PACRG: variants seen among roughly 807,000 people sequenced by gnomAD.
PACRG encodes the protein parkin coregulated gene protein.
A neutral mutation model predicts 29.7 loss-of-function variants in PACRG; 29 were observed. The ratio of observed to expected loss-of-function variants is 0.98; its 90% confidence interval spans 0.73 to 1.33. The LOEUF is 1.33. Ranked by LOEUF, PACRG falls within the 40% of genes most tolerant of loss-of-function variation. The probability of loss-of-function intolerance (pLI) is 0.00; values close to 1 mark genes in which losing one functional copy is unlikely to be tolerated. For synonymous variants in PACRG, 116 were observed against 118.7 expected (o/e 0.98, Z 0.15); for missense variants, 279 against 316.2 (o/e 0.88, Z 0.89).
At chr6:163,192,277 G>A (rs2128361824) in intron 4 of PACRG, among the ~76,000 whole-genome samples, 1 of 152,274 alleles carries the variant, frequency 6.6e-6, no homozygotes, top group East Asian at 1.9e-4. Context: ...AAGAATGCAA[G>A]GATTATTTCA....
chr6:162,809,128 C>G (rs1786613741), intron 1 of PACRG, among the ~76,000 whole-genome samples: 2 of 151,296 alleles, frequency 1.3e-5, no homozygotes, highest in Non-Finnish European at 2.9e-5. Flanking sequence ...TCATATGTAC[C>G]TGGAACAGAA....
rs1180134350 is a variant in PACRG at position 162,853,057 on chromosome 6, G to T, written c.291+38776G>T. Among the ~76,000 whole-genome samples, 4 of 152,220 alleles carry T rather than the reference G, an allele frequency of 2.6e-5. No individual in the cohort carries two copies. The highest frequency in any genetic ancestry group is 9.6e-5 in the African/African-American group (4 of 41,458). On this transcript the variant is annotated intron_variant, in intron 2 of 4. Coordinates refer to ENST00000366888, the MANE Select transcript of PACRG (RefSeq NM_001080379.2). This position sits in a 1 kb window ranked among gnomAD's most constrained non-coding sequence, Gnocchi z 4.7. ...GCAGCCAGAGACAGTGAACTGTCAG[G>T]TTTGGGATGGATGAGAGATTTCCTT... is the stretch of plus-strand genomic sequence containing the variant.
At chr6:162,863,915 C>A (rs1019177734) in intron 2 of PACRG, among the ~76,000 whole-genome samples, 2 of 152,088 alleles carry the variant, frequency 1.3e-5, no homozygotes, top group Non-Finnish European at 2.9e-5. Flanking sequence ...TCTACATGAT[C>A]CTTATTTTGA....
At chr6:163,158,386 A>G (rs984722007) in intron 4 of PACRG, among the ~76,000 whole-genome samples, 1 of 152,228 alleles carries the variant, frequency 6.6e-6, no homozygotes, top group African/African-American at 2.4e-5. Context: ...TCTTTCACCC[A>G]TCATTACTTG....
intron 2 of PACRG, among the ~76,000 whole-genome samples, chr6:162,884,545 A>G (rs1277994320): frequency 6.6e-6 from 1 of 152,188 alleles, no homozygotes; most frequent in African/African-American, 2.4e-5. Flanking sequence ...TATCTCAACT[A>G]TTTTTGTAAA....
intron 4 of PACRG, among the ~76,000 whole-genome samples, chr6:163,117,635 C>T (rs768997353): frequency 6.6e-6 from 1 of 151,782 alleles, no homozygotes. Flanking sequence ...CCTGTAATCC[C>T]AGCTACTCAG....
At chr6:163,300,266 T>C in intron 4 of PACRG, among the ~76,000 whole-genome samples, 1 of 152,212 alleles carries the variant, frequency 6.6e-6, no homozygotes, top group East Asian at 1.9e-4. Context: ...ACTCTGCAGA[T>C]GACGTTGAAT....
intron 1 of PACRG, among the ~76,000 whole-genome samples, chr6:162,783,352 AATG>A (rs1220548822): frequency 2.0e-5 from 3 of 151,990 alleles, no homozygotes; most frequent in African/African-American, 7.2e-5. Flanking sequence ...TGAAAAAATG[AATG>A]ATATTTTTAG....
chr6:163,054,487 A>T (rs1468019567), intron 2 of PACRG, among the ~76,000 whole-genome samples: 1 of 152,204 alleles, frequency 6.6e-6, no homozygotes, highest in Non-Finnish European at 1.5e-5. Flanking sequence ...GTATTTTGTT[A>T]AGGCAGCCTG....
In PACRG at chr6:162,730,063, C is replaced by CTCTCTT. The variant is rs1554267985; in HGVS notation, c.156+1673_156+1674insCTCTTT. 8.0e-4 allele frequency among the ~76,000 whole-genome samples: 117 copies of CTCTCTT among 145,924 alleles called. 1 individual carries two copies. The highest frequency in any genetic ancestry group is 1.8e-3 in the African/African-American group (72 of 39,354). ...ATTTATTCAGTCAACAACTGTCTCT[C>CTCTCTT]TTTTTTTTTTTTTTAATACCCAGTG... On this transcript the variant is annotated intron_variant, in intron 1 of 4. Transcript: ENST00000366888.
At chr6:162,752,466 G>A (rs1174748677) in intron 1 of PACRG, among the ~76,000 whole-genome samples, 1 of 152,162 alleles carries the variant, frequency 6.6e-6, no homozygotes, top group African/African-American at 2.4e-5. Flanking sequence ...ATTTTCTGGA[G>A]GTTTCCATTG....
At chr6:162,801,543 A>T (rs566901867) in intron 1 of PACRG, among the ~76,000 whole-genome samples, 1 of 152,342 alleles carries the variant, frequency 6.6e-6, no homozygotes, top group Admixed American at 6.5e-5. Context: ...AATGTAATTT[A>T]TTATAATATG....
intron 4 of PACRG, among the ~76,000 whole-genome samples, chr6:163,119,976 G>A (rs978614394): frequency 2.6e-5 from 4 of 152,136 alleles, no homozygotes; most frequent in East Asian, 1.9e-4. Context: ...TTCTGGTGTC[G>A]GTTCAGCCTC....
intron 4 of PACRG, among the ~76,000 whole-genome samples, chr6:163,290,278 G>GCACACACACACACACACACA: frequency 8.7e-6 from 1 of 114,568 alleles, no homozygotes; most frequent in Admixed American, 8.4e-5. Context: ...GCGCGCGCGC[G>GCACACACACACACACACACA]CACACACACA....
intron 2 of PACRG, among the ~76,000 whole-genome samples, chr6:162,925,270 T>C (rs144879074): frequency 2.5e-3 from 386 of 152,270 alleles, no homozygotes; most frequent in South Asian, 5.4e-3. Flanking sequence ...TCTGAAAATA[T>C]TCCAAACAAC....
chr6:163,133,292 T>C (rs967645107), intron 4 of PACRG, among the ~76,000 whole-genome samples: 6 of 152,200 alleles, frequency 3.9e-5, no homozygotes, highest in Non-Finnish European at 7.3e-5. Context: ...CGCAGGAATC[T>C]GGGAAATGTA....
chr6:163,251,707 C>T (rs772635870), intron 4 of PACRG, among the ~76,000 whole-genome samples: 4 of 152,204 alleles, frequency 2.6e-5, no homozygotes, highest in Non-Finnish European at 5.9e-5. Flanking sequence ...ATCCAAGTGG[C>T]AGCTCATTAT....
At chr6:163,217,777 C>T (rs1300390714) in intron 4 of PACRG, among the ~76,000 whole-genome samples, 1 of 151,908 alleles carries the variant, frequency 6.6e-6, no homozygotes, top group African/African-American at 2.4e-5. Context: ...GCTGTGTGCA[C>T]CTTGTGAGAA....
rs116191046 is a variant in PACRG at position 163,268,692 on chromosome 6, G to A, written c.614-46135G>A. On this transcript the variant is annotated intron_variant, in intron 4 of 4. Transcript: ENST00000366888. ...GCTGATTTCATTCTGAATCTTTCCAGGTCATGGTTTTGCCTGCTTTTATGT... is the reference window on the plus strand; with the variant it reads ...GCTGATTTCATTCTGAATCTTTCCAAGTCATGGTTTTGCCTGCTTTTATGT... Among the ~76,000 whole-genome samples the A allele has an allele frequency of 6.8e-3, 1,039 of 152,112 alleles. 15 individuals carry two copies. The highest frequency in any genetic ancestry group is 0.024 in the African/African-American group (1,008 of 41,468).
Sources: allele counts gnomAD v4.1 joint callset (sites outside exome capture counted in the v4.1 genomes callset), GRCh38; gene constraint gnomAD v4.1.1; non-coding constraint Gnocchi (gnomAD v3.1); transcripts MANE v1.5; gene names NCBI Gene and HGNC (gene_info 2026-07-23, HGNC 2026-07-21).